Variants in GPR158 observed in about 807,000 individuals in gnomAD.
GPR158 encodes the protein metabotropic glycine receptor.
GPR158 carries 30 observed loss-of-function variants against 78.2 expected under a neutral mutation model. The ratio of observed to expected loss-of-function variants is 0.38; its 90% confidence interval spans 0.29 to 0.52. The LOEUF is 0.52. Ranked by LOEUF, GPR158 falls within the 20% of genes least tolerant of loss-of-function variation. The probability of loss-of-function intolerance (pLI) is 0.83; values close to 1 mark genes in which losing one functional copy is unlikely to be tolerated. For missense variants in GPR158, 1,463 were observed against 1,523.5 expected (o/e 0.96, Z 0.66); for synonymous variants, 581 against 591.1 (o/e 0.98, Z 0.25).
chr10:25,222,726 G>T (rs1853317047), intron 2 of GPR158, among the ~76,000 whole-genome samples: 2 of 152,034 alleles, frequency 1.3e-5, no homozygotes, highest in South Asian at 2.1e-4. Context: ...ACTTAGCGTT[G>T]TCTTTTAGCC....
chr10:25,423,115 A>ATACGTATATACG (rs1834774376), intron 4 of GPR158, among the ~76,000 whole-genome samples: 1 of 141,284 alleles, frequency 7.1e-6, no homozygotes, highest in African/African-American at 2.7e-5. Context: ...GTCTACACAT[A>ATACGTATATACG]TATACATATA....
chr10:25,188,005 C>G (rs577896794), intron 1 of GPR158, among the ~76,000 whole-genome samples: 8 of 152,150 alleles, frequency 5.3e-5, no homozygotes, highest in African/African-American at 1.4e-4. Flanking sequence ...AAACAGAGAG[C>G]CAAATTATGA....
At chr10:25,507,891 C>A (rs1272933400) in intron 5 of GPR158, among the ~76,000 whole-genome samples, 1 of 152,106 alleles carries the variant, frequency 6.6e-6, no homozygotes, top group African/African-American at 2.4e-5. Flanking sequence ...GAAGAACCTA[C>A]AATACTAAAG....
rs1564399858 is a variant in GPR158 at position 25,241,419 on chromosome 10, T to TCTCTTC, written c.1008+20262_1008+20263insCTCTTC. On this transcript the variant is annotated intron_variant, in intron 2 of 10. Transcript: ENST00000376351. The stretch of plus-strand genomic sequence containing the variant: ...CTCTTCTCTTCTCTTCTCTTTTCTT[T>TCTCTTC]TCTTTTCTTTTCTTTTCTTTCGACA... 2.1e-3 allele frequency among the ~76,000 whole-genome samples: 182 copies of TCTCTTC among 88,376 alleles called. 15 individuals carry two copies. The highest frequency in any genetic ancestry group is 8.9e-3 in the African/African-American group (163 of 18,370). The allele number at this position is 88,376 out of a possible 152,430, so 58.0% of individuals were successfully genotyped here.
chr10:25,336,576 A>T (rs1177680919), intron 2 of GPR158, among the ~76,000 whole-genome samples: 1 of 152,062 alleles, frequency 6.6e-6, no homozygotes, highest in African/African-American at 2.4e-5. Context: ...AGGGCATGTT[A>T]TACAGCTCTA....
intron 6 of GPR158, among the ~76,000 whole-genome samples, chr10:25,570,921 A>G (rs2130730352): frequency 6.6e-6 from 1 of 152,184 alleles, no homozygotes; most frequent in African/African-American, 2.4e-5. Context: ...CTCCATCTTA[A>G]AAAAAATAAA....
chr10:25,361,942 G>C (rs879847451), intron 2 of GPR158, among the ~76,000 whole-genome samples: 1 of 151,832 alleles, frequency 6.6e-6, no homozygotes, highest in African/African-American at 2.4e-5. Flanking sequence ...TTGTCACTCT[G>C]TTGTGTCCTT....
chr10:25,237,393 AAT>A (rs1427296615), intron 2 of GPR158, among the ~76,000 whole-genome samples: 5 of 152,228 alleles, frequency 3.3e-5, no homozygotes, highest in African/African-American at 9.6e-5. Flanking sequence ...ATTAAAAATG[AAT>A]AGAGGTTGAA....
At chr10:25,236,375 G>T (rs1037765515) in intron 2 of GPR158, among the ~76,000 whole-genome samples, 106 of 152,238 alleles carry the variant, frequency 7.0e-4, no homozygotes, top group African/African-American at 2.4e-3. Context: ...GGGCGTGGTG[G>T]TGGGTGCCTG....
At chr10:25,303,430 T>C (rs1854627215) in intron 2 of GPR158, among the ~76,000 whole-genome samples, 1 of 152,184 alleles carries the variant, frequency 6.6e-6, no homozygotes, top group Admixed American at 6.5e-5. Flanking sequence ...ATTTTTACTG[T>C]AATTTAGAGG....
chr10:25,301,758 C>T lies in GPR158; in HGVS notation c.1008+80601C>T, dbSNP rs11014495. ...ATCAACTTTGTCGAGGGATAGTTTA[C>T]GTATAATGAAATACATATTAAGGTC... On this transcript the variant is annotated intron_variant, in intron 2 of 10. Coordinates refer to ENST00000376351, the MANE Select transcript of GPR158 (RefSeq NM_020752.3). Among the ~76,000 whole-genome samples, 7 of 152,142 alleles carry T rather than the reference C, an allele frequency of 4.6e-5. No individual in the cohort carries two copies. The East Asian group carries it at 1.2e-3, about 25-fold the overall frequency.
chr10:25,529,947 A>G (rs902668871), intron 5 of GPR158, among the ~76,000 whole-genome samples: 2 of 152,100 alleles, frequency 1.3e-5, no homozygotes, highest in African/African-American at 4.8e-5. Flanking sequence ...TCACTTTTCC[A>G]TCCGTTTGAT....
At chr10:25,542,274 A>C (rs1253285512) in intron 5 of GPR158, among the ~76,000 whole-genome samples, 1 of 152,136 alleles carries the variant, frequency 6.6e-6, no homozygotes, top group African/African-American at 2.4e-5. Flanking sequence ...TCAACTAGGA[A>C]AGGGGAACTG....
chr10:25,262,985 C>A (rs1853989020), intron 2 of GPR158, among the ~76,000 whole-genome samples: 1 of 152,046 alleles, frequency 6.6e-6, no homozygotes, highest in Non-Finnish European at 1.5e-5. Flanking sequence ...ATATTTTTTC[C>A]CAGTGTGTGG....
chr10:25,308,251 A>G (rs1026278428), intron 2 of GPR158, among the ~76,000 whole-genome samples: 7 of 152,070 alleles, frequency 4.6e-5, no homozygotes, highest in African/African-American at 1.7e-4. Context: ...CCCATCACCT[A>G]TGTATTAAGC....
chr10:25,421,126 ATTTTG>A (rs939617428), intron 4 of GPR158, among the ~76,000 whole-genome samples: 2 of 152,086 alleles, frequency 1.3e-5, no homozygotes, highest in South Asian at 2.1e-4. Flanking sequence ...TGTGTCTTTC[ATTTTG>A]CTTAGTAATG....
At chr10:25,308,743 C>T (rs1346279663) in intron 2 of GPR158, among the ~76,000 whole-genome samples, 2 of 152,234 alleles carry the variant, frequency 1.3e-5, no homozygotes, top group African/African-American at 4.8e-5. Context: ...CCTAAAACCA[C>T]CATTCTACTT....
chr10:25,316,025 T>C (rs114699062), intron 2 of GPR158, among the ~76,000 whole-genome samples: 2,624 of 152,304 alleles, frequency 0.017, 60 homozygotes, highest in African/African-American at 0.05. Context: ...GTATTTTATA[T>C]TTTCTTTGCT....
chr10:25,325,290 A>T (rs1855013940), intron 2 of GPR158, among the ~76,000 whole-genome samples: 1 of 152,204 alleles, frequency 6.6e-6, no homozygotes, highest in Admixed American at 6.5e-5. Context: ...AAAGTGTGGA[A>T]TACAGTGTTT....
Sources: allele counts gnomAD v4.1 joint callset (sites outside exome capture counted in the v4.1 genomes callset), GRCh38; gene constraint gnomAD v4.1.1; transcripts MANE v1.5; gene names NCBI Gene and HGNC (gene_info 2026-07-23, HGNC 2026-07-21).